Variants in ALK observed in about 807,000 individuals in gnomAD.
ALK encodes ALK tyrosine kinase receptor.
In ALK, 74 loss-of-function variants were observed where a neutral mutation model predicts 163.1. That is an observed-to-expected ratio of 0.45 (90% CI 0.38 to 0.55). The LOEUF (loss-of-function observed/expected upper bound fraction) is 0.55, where lower values mean the gene tolerates loss of function less well. Among genes scored for constraint, ALK ranks in the 20% least tolerant of loss-of-function variants. ALK has a pLI of 0.00. For synonymous variants in ALK, 960 were observed against 843.2 expected, an observed-to-expected ratio of 1.14 and a Z score of -2.40; for missense variants, 2,063 against 2,105.3, an observed-to-expected ratio of 0.98 and a Z score of 0.39.
intron 4 of ALK, among the ~76,000 whole-genome samples, chr2:29,450,751 A>T (rs916003583): frequency 2.0e-5 from 3 of 152,218 alleles, no homozygotes; most frequent in African/African-American, 7.2e-5. Flanking sequence ...TGGCCTATAA[A>T]TAATGAGAAG....
At chr2:29,853,682 T>C (rs1666063665) in intron 1 of ALK, among the ~76,000 whole-genome samples, 1 of 152,210 alleles carries the variant, frequency 6.6e-6, no homozygotes, top group African/African-American at 2.4e-5. Flanking sequence ...GACTTTCTGT[T>C]GCACTTGCAA....
chr2:29,342,010 A>C (rs777914119), intron 5 of ALK, among the ~76,000 whole-genome samples: 4 of 152,226 alleles, frequency 2.6e-5, no homozygotes, highest in Non-Finnish European at 5.9e-5. Flanking sequence ...AATAACAACA[A>C]CGAAAATAAT....
intron 26 of ALK, among the ~76,000 whole-genome samples, chr2:29,204,573 T>A (rs981662824): frequency 1.4e-4 from 21 of 152,138 alleles, no homozygotes; most frequent in Non-Finnish European, 4.4e-5. Context: ...ACTGGCAACA[T>A]GACCCAGCCC....
In ALK at chr2:29,831,260, G is replaced by GAAGAAGAAGAAGAAGAAGAAT. The variant is rs1168682208; in HGVS notation, c.667+88732_667+88733insATTCTTCTTCTTCTTCTTCTT. Among the ~76,000 whole-genome samples, 40 of 51,446 alleles carry GAAGAAGAAGAAGAAGAAGAAT rather than the reference G, an allele frequency of 7.8e-4. 8 individuals carry two copies. The highest frequency in any genetic ancestry group is 1.4e-3 in the Non-Finnish European group (37 of 26,712). 33.8% of individuals were successfully genotyped at this position (51,446 alleles called of 152,430 possible). The stretch of plus-strand genomic sequence containing the variant: ...GGAAGAAGAAGAGGAAGAGGAAGAG[G>GAAGAAGAAGAAGAAGAAGAAT]AAGAAGAAGAAGAAGAAGAAGAAGA... On this transcript the variant is annotated intron_variant, in intron 1 of 28. Transcript: ENST00000389048.
intron 4 of ALK, among the ~76,000 whole-genome samples, chr2:29,428,342 A>C (rs1305920897): frequency 6.6e-5 from 10 of 152,148 alleles, no homozygotes; most frequent in South Asian, 2.1e-4. Context: ...CTTTGCAAAA[A>C]TCAACAAAAC....
At chr2:29,881,850 C>T (rs893550644) in intron 1 of ALK, among the ~76,000 whole-genome samples, 2 of 152,096 alleles carry the variant, frequency 1.3e-5, no homozygotes, top group African/African-American at 4.8e-5. Context: ...CCCCCATTTT[C>T]CCTCATTTTA....
intron 4 of ALK, among the ~76,000 whole-genome samples, chr2:29,519,248 C>CAAGTCA (rs1173044019): frequency 6.6e-6 from 1 of 152,142 alleles, no homozygotes; most frequent in African/African-American, 2.4e-5. Context: ...TGGAGTCAGG[C>CAAGTCA]AAGTCAAAGC....
At chr2:29,587,915 T>C (rs929146627) in intron 3 of ALK, among the ~76,000 whole-genome samples, 7 of 152,186 alleles carry the variant, frequency 4.6e-5, no homozygotes, top group African/African-American at 1.7e-4. Context: ...CTCTGTAGCA[T>C]GTGGAAGGCC....
At chr2:29,256,736 C>G (rs1182788727) in intron 11 of ALK, among the ~76,000 whole-genome samples, 1 of 151,948 alleles carries the variant, frequency 6.6e-6, no homozygotes, top group East Asian at 1.9e-4. Context: ...AGTATGGTCA[C>G]TATACTGAGG....
At chr2:29,685,324 C>T (rs1678204184) in intron 3 of ALK, among the ~76,000 whole-genome samples, 1 of 152,146 alleles carries the variant, frequency 6.6e-6, no homozygotes, top group African/African-American at 2.4e-5. Context: ...CCAGGTGCCC[C>T]ATTTCTAGCA....
chr2:29,379,948 AAG>A (rs1462152511), intron 5 of ALK, among the ~76,000 whole-genome samples: 1 of 152,168 alleles, frequency 6.6e-6, no homozygotes, highest in Non-Finnish European at 1.5e-5. Flanking sequence ...TTATAAAGAA[AAG>A]AGGATTAATT....
chr2:29,450,089 T>A (rs1670784141), intron 4 of ALK, among the ~76,000 whole-genome samples: 1 of 152,080 alleles, frequency 6.6e-6, no homozygotes, highest in South Asian at 2.1e-4. Context: ...TGCTCCCTCC[T>A]TGACAGTAGG....
chr2:29,209,936 G>T lies in ALK; in HGVS notation c.3744-58C>A, dbSNP rs919610548. 4.4e-6 allele frequency: 6 copies of T among 1,370,966 alleles called. No homozygotes were observed. The South Asian group carries it at 5.9e-5, about 13-fold the overall frequency. The allele number at this position is 1,370,966 out of a possible 1,614,324, so 84.9% of individuals were successfully genotyped here. ...ATCCCTAGGAAGATGAGTGTACAAC[G>T]GCCATCACTAGGATTTTATCTCCAA... On this transcript the variant is annotated intron_variant, in intron 24 of 28. Coordinates refer to ENST00000389048, the MANE Select transcript of ALK (RefSeq NM_004304.5).
At chr2:29,850,469 GGTTTAAAAACAA>G (rs1428773711) in intron 1 of ALK, among the ~76,000 whole-genome samples, 1 of 152,182 alleles carries the variant, frequency 6.6e-6, no homozygotes, top group African/African-American at 2.4e-5. Context: ...TCTATAAAAA[GGTTTAAAAACAA>G]GGGCAAAGCC....
At chr2:29,234,148 C>T (rs1664305731) in intron 13 of ALK, among the ~76,000 whole-genome samples, 1 of 151,986 alleles carries the variant, frequency 6.6e-6, no homozygotes, top group Admixed American at 6.5e-5. Flanking sequence ...TCTATCAGGA[C>T]AGAGAGATTG....
At chr2:29,671,497 T>C (rs530664658) in intron 3 of ALK, among the ~76,000 whole-genome samples, 58 of 152,196 alleles carry the variant, frequency 3.8e-4, no homozygotes, top group African/African-American at 1.4e-3. Flanking sequence ...ATCACAATGC[T>C]TCCTGTGCAT....
chr2:29,741,693 T>C (rs1215637670), intron 1 of ALK, among the ~76,000 whole-genome samples: 1 of 152,096 alleles, frequency 6.6e-6, no homozygotes, highest in Non-Finnish European at 1.5e-5. Flanking sequence ...ACCCCTTTCT[T>C]AGAAGTAGAG....
At chr2:29,663,828 AG>A (rs1316027285) in intron 3 of ALK, among the ~76,000 whole-genome samples, 2 of 152,202 alleles carry the variant, frequency 1.3e-5, no homozygotes, top group African/African-American at 4.8e-5. Context: ...ATTATGTTTA[AG>A]GTCAGTATAT....
rs1434735739 is a variant in ALK at position 29,687,513 on chromosome 2, T to C, written c.952+7337A>G. 2.0e-5 allele frequency among the ~76,000 whole-genome samples: 3 copies of C among 152,218 alleles called. No homozygotes were observed. In the East Asian group the frequency reaches 5.8e-4, roughly 29 times the overall value. On this transcript the variant is annotated intron_variant, in intron 3 of 28. Coordinates refer to ENST00000389048, the MANE Select transcript of ALK (RefSeq NM_004304.5). ...AACTCAATAGAATAGTCTCGAATGA[T>C]AATTTTTTATTCCTTTGTATTAAAA... is the stretch of plus-strand genomic sequence containing the variant.
Sources: gnomAD v4.1 joint callset for allele counts (sites outside exome capture counted in the v4.1 genomes callset) on GRCh38, gnomAD v4.1.1 for gene constraint, MANE v1.5 for transcripts, NCBI Gene and HGNC (gene_info 2026-07-23, HGNC 2026-07-21) for gene names.